GK: variants seen among roughly 807,000 people sequenced by gnomAD.
GK encodes the protein glycerol kinase, also known as ATP:glycerol 3-phosphotransferase.
Under a neutral mutation model 56.4 loss-of-function variants are expected in GK, and 9 were observed. The observed-to-expected ratio is 0.16, with a 90% CI of 0.10 to 0.28. The LOEUF (loss-of-function observed/expected upper bound fraction) is 0.28, where lower values mean the gene tolerates loss of function less well. Among genes scored for constraint, GK ranks in the 10% least tolerant of loss-of-function variants. The pLI is 1.00. For missense variants in GK, 161 were observed against 431.4 expected (o/e 0.37, Z 5.55); for synonymous variants, 104 against 144.1 (o/e 0.72, Z 1.99).
intron 3 of GK, among the ~76,000 whole-genome samples, chrX:30,674,665 A>C (rs1355186243): frequency 9.0e-6 from 1 of 110,793 alleles, no homozygotes; most frequent in Non-Finnish European, 1.9e-5. Context: ...ATCTCTAGAA[A>C]ATATTTTTTA....
chrX:30,717,738 T>C (rs1936702659), intron 13 of GK, among the ~76,000 whole-genome samples: 1 of 112,412 alleles, frequency 8.9e-6, no homozygotes, highest in Non-Finnish European at 1.9e-5. Context: ...GATATTTGGC[T>C]GATACTTTTT....
At chrX:30,700,307 G>T (rs921865805) in intron 9 of GK, 107 bp from the exon 10 acceptor site, 1 of 512,515 alleles carries the variant, frequency 2.0e-6, no homozygotes. Context: ...TGTCTTGTCT[G>T]CCCACATCCT....
intron 4 of GK, among the ~76,000 whole-genome samples, chrX:30,679,159 T>C (rs1934126555): frequency 9.0e-6 from 1 of 110,991 alleles, no homozygotes; most frequent in African/African-American, 3.3e-5. Flanking sequence ...CTTTCTTTTG[T>C]TTTCTTAATG....
chrX:30,702,868 A>G (rs1208147071), intron 11 of GK, among the ~76,000 whole-genome samples: 1 of 112,411 alleles, frequency 8.9e-6, no homozygotes, highest in Non-Finnish European at 1.9e-5. Flanking sequence ...CTCTCATGCA[A>G]GAGTGTGACA....
Position 30,691,212 on chromosome X carries a change from T to TA in GK, c.414+13_414+14insA. 1.1e-6 allele frequency: 1 copy of TA among 944,745 alleles called. No homozygotes were observed. The highest frequency in any genetic ancestry group is 1.5e-6 in the Non-Finnish European group (1 of 654,282). 77.9% of individuals were successfully genotyped at this position (944,745 alleles called of 1,213,427 possible). A position where few individuals can be genotyped will look rare whatever the true frequency, so the allele number is the denominator to read the frequency against. On this transcript the variant is annotated intron_variant, in intron 5 of 20. Coordinates refer to ENST00000427190, the MANE Select transcript of GK (RefSeq NM_001205019.2). ...TAACTTTGTCAAGGTAAGAATTTCT[T>TA]CAGAAGTATACTATAAGAATGTTTC...
chrX:30,664,524 G>A (rs1932940912), intron 1 of GK, among the ~76,000 whole-genome samples: 1 of 108,733 alleles, frequency 9.2e-6, no homozygotes, highest in African/African-American at 3.4e-5. Context: ...AAAAAGTGTT[G>A]TTTTTAGTAG....
At chrX:30,714,972 CTA>C (rs1197219860) in intron 13 of GK, among the ~76,000 whole-genome samples, 10 of 112,159 alleles carry the variant, frequency 8.9e-5, no homozygotes, top group Admixed American at 8.5e-4. Flanking sequence ...ATTAAAAATG[CTA>C]TAGAGTTAGA....
chrX:30,717,019 T>C (rs1219922586), intron 13 of GK, among the ~76,000 whole-genome samples: 2 of 112,034 alleles, frequency 1.8e-5, no homozygotes, highest in Non-Finnish European at 3.8e-5. Context: ...AGCTTTGCAG[T>C]AACATAGTAA....
intron 8 of GK, among the ~76,000 whole-genome samples, chrX:30,697,054 T>A (rs1428117353): frequency 8.8e-6 from 1 of 112,997 alleles, no homozygotes; most frequent in Non-Finnish European, 1.9e-5. Context: ...CGTTGAATCT[T>A]TTTTATGGCC....
At chrX:30,664,169 G>GAT (rs1339657618) in intron 1 of GK, among the ~76,000 whole-genome samples, 1 of 87,502 alleles carries the variant, frequency 1.1e-5, no homozygotes, top group Non-Finnish European at 2.2e-5. Flanking sequence ...TAGATATATA[G>GAT]ATATATATAT....
At chrX:30,696,770 C>T (rs773799408) in intron 8 of GK, 87 bp downstream of exon 8, 4 of 713,768 alleles carry the variant, frequency 5.6e-6, no homozygotes, top group Non-Finnish European at 8.7e-6. Flanking sequence ...TTTTTTATTA[C>T]AAAACAAGTT....
intron 18 of GK, 118 bp downstream of exon 18, chrX:30,721,113 C>T: frequency 1.4e-6 from 1 of 717,308 alleles, no homozygotes; most frequent in South Asian, 2.3e-5. Flanking sequence ...TAAATGTTAT[C>T]ATTGCAGATT....
intron 3 of GK, among the ~76,000 whole-genome samples, chrX:30,675,811 A>G (rs1933853518): frequency 9.2e-6 from 1 of 109,040 alleles, no homozygotes; most frequent in Non-Finnish European, 1.9e-5. Flanking sequence ...TTTTTTTGAG[A>G]TACAGTCTCC....
Position 30,700,887 on chromosome X carries a change from T to A in GK, c.833T>A (p.Ile278Asn), listed in dbSNP as rs1376773856. ...AALVGQMCFQ[I>N]GQAKNTYGTG... ...TTGGTGGGACAAATGTGCTTCCAGA[T>A]TGGACAAGCCAAAAATACGTGAGTT... Residue 278 changes from isoleucine (I) to asparagine (N), a missense_variant, in exon 11 of 21, where the codon ATT becomes AAT. Transcript: ENST00000427190. 8.4e-7 allele frequency: 1 copy of A among 1,185,553 alleles called. No homozygotes were observed. Among genetic ancestry groups the A allele is most frequent in the Non-Finnish European group, 1.1e-6 (1 of 872,728 alleles).
intron 4 of GK, among the ~76,000 whole-genome samples, chrX:30,685,298 A>AT (rs1263271149): frequency 7.3e-5 from 8 of 110,041 alleles, no homozygotes; most frequent in Admixed American, 9.6e-5. Flanking sequence ...CTCCCGGCTA[A>AT]TTTTTTTTGT....
chrX:30,697,645 G>GA (rs1177052208), intron 8 of GK, 87 bp from the exon 9 acceptor site: 1,424 of 653,029 alleles, frequency 2.2e-3, no homozygotes, highest in Non-Finnish European at 2.9e-3. Context: ...AGGATGGTTA[G>GA]AAAAAAAAAC....
At position 30,729,660 on chromosome X, in the gene GK, C is replaced by T. The variant is rs1224129149; in HGVS notation, c.*918C>T. 8.9e-6 allele frequency: 1 copy of T among 112,694 alleles called. No homozygotes were observed. The highest frequency in any genetic ancestry group is 1.9e-5 in the Non-Finnish European group (1 of 53,238). The allele number at this position is 112,694 out of a possible 1,213,427, so 9.3% of individuals were successfully genotyped here. ...CAGGAGAATTTTTTTCTTAACAAGC[C>T]AACATTTAAAATTTATGTTTTATGT... On this transcript the variant is annotated 3_prime_UTR_variant, in exon 21 of 21. Transcript: ENST00000427190.
intron 4 of GK, chrX:30,687,634 A>G (rs769345912): frequency 2.4e-5 from 8 of 339,033 alleles, no homozygotes; most frequent in Non-Finnish European, 4.7e-5. Context: ...TGCTCTGGCT[A>G]TTGCTCACTT....
intron 13 of GK, among the ~76,000 whole-genome samples, chrX:30,716,705 C>T (rs183906862): frequency 3.6e-5 from 4 of 111,806 alleles, no homozygotes; most frequent in African/African-American, 1.3e-4. Context: ...TCTCTTTAAA[C>T]CAAAATTTTA....
Sources: gnomAD v4.1 joint callset for allele counts (sites outside exome capture counted in the v4.1 genomes callset) on GRCh38, gnomAD v4.1.1 for gene constraint, MANE v1.5 for transcripts, NCBI Gene and HGNC (gene_info 2026-07-23, HGNC 2026-07-21) for gene names.